Variants in KDM6A observed in about 807,000 individuals in gnomAD.
The protein encoded by KDM6A is lysine demethylase 6A, also known as lysine-specific demethylase 6A.
In KDM6A, 11 loss-of-function variants were observed where a neutral mutation model predicts 117.6. That is an observed-to-expected ratio of 0.09 (90% CI 0.06 to 0.15). The LOEUF is 0.15. KDM6A is among the 10% of genes least tolerant of loss of function. The pLI, the probability that KDM6A is intolerant of heterozygous loss-of-function variation, is 1.00. For synonymous variants in KDM6A, 384 were observed against 396.1 expected, an observed-to-expected ratio of 0.97 and a Z score of 0.36; for missense variants, 799 against 1,077.3, an observed-to-expected ratio of 0.74 and a Z score of 3.62.
chrX:44,898,940 T>TG (rs917798657), intron 2 of KDM6A, among the ~76,000 whole-genome samples: 8 of 99,556 alleles, frequency 8.0e-5, no homozygotes, highest in East Asian at 3.2e-4. Flanking sequence ...GTGGTGGTGG[T>TG]GGGGGGGTGT....
intron 10 of KDM6A, among the ~76,000 whole-genome samples, chrX:45,058,383 C>G (rs918549394): frequency 1.8e-5 from 2 of 110,008 alleles, no homozygotes; most frequent in African/African-American, 3.3e-5. Flanking sequence ...AATTACAGTC[C>G]TTGAATCGTT....
At chrX:45,004,003 T>G (rs1427337196) in intron 4 of KDM6A, among the ~76,000 whole-genome samples, 1 of 106,643 alleles carries the variant, frequency 9.4e-6, no homozygotes, top group Non-Finnish European at 1.9e-5. Flanking sequence ...CTCTTTCCCC[T>G]TTTACCCCGG....
intron 2 of KDM6A, among the ~76,000 whole-genome samples, chrX:44,889,749 T>C (rs2033185803): frequency 8.9e-6 from 1 of 112,727 alleles, no homozygotes; most frequent in African/African-American, 3.2e-5. Context: ...TTGTTGGACT[T>C]GGTTGTCCTT....
At chrX:45,001,215 G>A (rs758079803) in intron 4 of KDM6A, among the ~76,000 whole-genome samples, 6 of 111,517 alleles carry the variant, frequency 5.4e-5, no homozygotes, top group African/African-American at 2.0e-4. Flanking sequence ...CCATAAAACC[G>A]GCTTAAAGAA....
At chrX:45,074,795 C>T (rs1368991444) in intron 18 of KDM6A, among the ~76,000 whole-genome samples, 3 of 111,989 alleles carry the variant, frequency 2.7e-5, no homozygotes, top group African/African-American at 9.7e-5. Context: ...AGTCATGCCC[C>T]ACCTTTTTCT....
intron 2 of KDM6A, among the ~76,000 whole-genome samples, chrX:44,949,711 T>C (rs1179789597): frequency 8.9e-6 from 1 of 112,063 alleles, no homozygotes; most frequent in Non-Finnish European, 1.9e-5. Flanking sequence ...TATTTAAAAA[T>C]GTGTGTAAGG....
intron 6 of KDM6A, among the ~76,000 whole-genome samples, chrX:45,029,781 G>A (rs996852080): frequency 9.0e-6 from 1 of 110,800 alleles, no homozygotes; most frequent in African/African-American, 3.3e-5. Context: ...AATTAAGTTG[G>A]CTCATATTCT....
chrX:44,920,508 C>T (rs767419117), intron 2 of KDM6A, among the ~76,000 whole-genome samples: 6 of 109,096 alleles, frequency 5.5e-5, no homozygotes, highest in South Asian at 3.9e-4. Flanking sequence ...GCGCAGTCTC[C>T]GCTCACTGCA....
intron 8 of KDM6A, among the ~76,000 whole-genome samples, chrX:45,040,215 C>T (rs765048317): frequency 5.9e-4 from 57 of 96,139 alleles, no homozygotes; most frequent in African/African-American, 2.1e-3. Flanking sequence ...TAGGGGCGGC[C>T]GGGCAGAGGC....
intron 3 of KDM6A, among the ~76,000 whole-genome samples, chrX:44,971,978 G>A (rs965291324): frequency 2.7e-5 from 3 of 109,524 alleles, no homozygotes; most frequent in African/African-American, 1.0e-4. Context: ...GTTGCAGGGC[G>A]TTAAGGCAAG....
At chrX:45,033,149 A>C (rs1019099389) in intron 6 of KDM6A, among the ~76,000 whole-genome samples, 5 of 112,268 alleles carry the variant, frequency 4.5e-5, no homozygotes, top group Non-Finnish European at 9.4e-5. Context: ...AGACTTAGAA[A>C]TATAGTACAG....
intron 27 of KDM6A, chrX:45,106,422 T>C (rs1444341804): frequency 4.5e-6 from 1 of 224,596 alleles, no homozygotes; most frequent in Non-Finnish European, 8.5e-6. Context: ...TTGATTAAGC[T>C]ACTATATGCT....
chrX:44,912,842 T>C (rs764374785), intron 2 of KDM6A, among the ~76,000 whole-genome samples: 2 of 112,513 alleles, frequency 1.8e-5, no homozygotes, highest in Admixed American at 1.9e-4. Flanking sequence ...TATTATATTG[T>C]AACATTTTTA....
chrX:45,100,544 A>T (rs2046300584), intron 27 of KDM6A, among the ~76,000 whole-genome samples: 1 of 111,837 alleles, frequency 8.9e-6, no homozygotes, highest in Non-Finnish European at 1.9e-5. Context: ...TGAAAAGTTT[A>T]ATGTTAGGAA....
chrX:44,949,200 C>T (rs1270521765), intron 2 of KDM6A, among the ~76,000 whole-genome samples: 1 of 110,784 alleles, frequency 9.0e-6, no homozygotes, highest in Non-Finnish European at 1.9e-5. Context: ...AGAGACCAGC[C>T]TGGTGTACGT....
intron 4 of KDM6A, among the ~76,000 whole-genome samples, chrX:45,010,237 A>T (rs1475142023): frequency 9.1e-6 from 1 of 110,302 alleles, no homozygotes; most frequent in East Asian, 2.8e-4. Context: ...TGGGAGACTG[A>T]GGTGGGAGGA....
rs1165271094 is a variant in KDM6A at position 45,110,081 on chromosome X, G to A, written c.4164G>A (p.Val1388=). 1 of 1,207,466 alleles carries A rather than the reference G, an allele frequency of 8.3e-7. No individual in the cohort carries two copies. The highest frequency in any genetic ancestry group is 3.0e-5 in the East Asian group (1 of 33,774). The change falls in exon 29 of 30, where the codon GTG becomes GTA. Residue 1388 remains valine, a splice_region_variant and synonymous_variant. Transcript: ENST00000611820. The part of the protein sequence containing the change: ...EPAHYCSICE[V]EVFDLLFVTN... ...CGTTTTTCTCTTGTATAAAACAGGT[G>A]GAGGTTTTTGATCTGCTTTTTGTCA...
chrX:45,042,310 A>T (rs1320414561), intron 8 of KDM6A, among the ~76,000 whole-genome samples: 1 of 88,355 alleles, frequency 1.1e-5, no homozygotes, highest in Non-Finnish European at 2.1e-5. Context: ...GGAGAGGGAG[A>T]GTCATTTGAT....
chrX:45,077,794 A>G (rs1396578064), intron 19 of KDM6A, among the ~76,000 whole-genome samples: 1 of 111,593 alleles, frequency 9.0e-6, no homozygotes, highest in Non-Finnish European at 1.9e-5. Flanking sequence ...AACACATAGC[A>G]TAAAATTTAC....
Sources: gnomAD v4.1 joint callset for allele counts (sites outside exome capture counted in the v4.1 genomes callset) on GRCh38, gnomAD v4.1.1 for gene constraint, MANE v1.5 for transcripts, NCBI Gene and HGNC (gene_info 2026-07-23, HGNC 2026-07-21) for gene names.